NRG3: variants seen among roughly 807,000 people sequenced by gnomAD.
NRG3 encodes neuregulin 3.
In NRG3, 31 loss-of-function variants were observed where a neutral mutation model predicts 66.9. That is an observed-to-expected ratio of 0.46 (90% CI 0.35 to 0.63). The LOEUF (loss-of-function observed/expected upper bound fraction) is 0.63. NRG3 is among the 20% of genes least tolerant of loss of function. The pLI is 0.00. For missense variants in NRG3, 910 were observed against 878.9 expected, an observed-to-expected ratio of 1.04 and a Z score of -0.45; for synonymous variants, 393 against 359.4, an observed-to-expected ratio of 1.09 and a Z score of -1.06.
At chr10:82,885,512 TA>T (rs1842646130) in intron 4 of NRG3, among the ~76,000 whole-genome samples, 1 of 152,238 alleles carries the variant, frequency 6.6e-6, no homozygotes, top group Admixed American at 6.5e-5. Context: ...TTTATAAAGC[TA>T]CTTGAGTTTG....
At chr10:82,518,805 C>T (rs946533889) in intron 2 of NRG3, among the ~76,000 whole-genome samples, 3 of 151,954 alleles carry the variant, frequency 2.0e-5, no homozygotes, top group Non-Finnish European at 2.9e-5. Context: ...AGCATGCTCA[C>T]GTTCAAAAAA....
intron 2 of NRG3, among the ~76,000 whole-genome samples, chr10:82,715,132 T>A (rs1005181705): frequency 5.3e-5 from 8 of 152,156 alleles, no homozygotes; most frequent in African/African-American, 1.7e-4. Context: ...TGGTGGCTCA[T>A]ACCTGTAATC....
In NRG3 at chr10:82,543,204, T is replaced by C. The variant is rs76798621; in HGVS notation, c.953+184336T>C. On this transcript the variant is annotated intron_variant, in intron 2 of 8. Transcript: ENST00000372141. ...ACCGTGCCCAGCCTAGATCATTTTT[T>C]ACTATAAAGCTGATTATTGGGATAA... Among the ~76,000 whole-genome samples the C allele has an allele frequency of 8.1e-3, 1,230 of 152,276 alleles. 15 individuals carry two copies. Among genetic ancestry groups the C allele is most frequent in the Non-Finnish European group, 0.011 (720 of 68,020 alleles).
At chr10:82,834,361 T>C (rs2062674822) in intron 3 of NRG3, among the ~76,000 whole-genome samples, 1 of 152,184 alleles carries the variant, frequency 6.6e-6, no homozygotes, top group Admixed American at 6.6e-5. Context: ...CCGAGTCCTC[T>C]TCATTTATCC....
At chr10:82,937,102 C>T (rs1299370333) in intron 4 of NRG3, among the ~76,000 whole-genome samples, 3 of 152,142 alleles carry the variant, frequency 2.0e-5, no homozygotes, top group Admixed American at 6.5e-5. Flanking sequence ...TTTAATTCTT[C>T]ATTTTTCTTA....
At chr10:81,905,357 C>A (rs1037086179) in intron 1 of NRG3, among the ~76,000 whole-genome samples, 1 of 152,170 alleles carries the variant, frequency 6.6e-6, no homozygotes, top group Non-Finnish European at 1.5e-5. Context: ...CGTGTTCTAA[C>A]CTGCAAAGCC....
intron 5 of NRG3, 68 bp downstream of exon 5, chr10:82,951,639 C>T: frequency 1.5e-6 from 2 of 1,356,498 alleles, no homozygotes; most frequent in South Asian, 1.2e-5. Context: ...ACTTTAAGTT[C>T]TCAGTCTGTG....
At chr10:82,644,599 TA>T (rs1023634980) in intron 2 of NRG3, among the ~76,000 whole-genome samples, 4 of 152,176 alleles carry the variant, frequency 2.6e-5, no homozygotes, top group African/African-American at 9.6e-5. Flanking sequence ...CAGATGCATT[TA>T]TAATTAGCAA....
intron 2 of NRG3, among the ~76,000 whole-genome samples, chr10:82,648,451 C>A (rs1216312158): frequency 1.3e-5 from 2 of 152,162 alleles, no homozygotes; most frequent in African/African-American, 4.8e-5. Context: ...TGCCCTCCAG[C>A]TTTGTTCTTT....
At chr10:82,141,846 A>T (rs2069807461) in intron 1 of NRG3, among the ~76,000 whole-genome samples, 1 of 152,174 alleles carries the variant, frequency 6.6e-6, no homozygotes, top group Non-Finnish European at 1.5e-5. Flanking sequence ...TTGCCAGTAC[A>T]GTGGGTGCTA....
intron 1 of NRG3, among the ~76,000 whole-genome samples, chr10:82,336,463 C>A (rs186858977): frequency 6.6e-6 from 1 of 151,798 alleles, no homozygotes; most frequent in South Asian, 2.1e-4. Context: ...TTAAAAATTC[C>A]GAATTTTCTC....
chr10:82,647,901 T>G (rs2051078502), intron 2 of NRG3, among the ~76,000 whole-genome samples: 2 of 148,622 alleles, frequency 1.3e-5, no homozygotes, highest in Non-Finnish European at 3.0e-5. Flanking sequence ...ATTCTGGATA[T>G]TAGCCCTTTG....
chr10:82,653,642 T>G (rs2051604671), intron 2 of NRG3, among the ~76,000 whole-genome samples: 3 of 149,232 alleles, frequency 2.0e-5, no homozygotes, highest in Non-Finnish European at 4.5e-5. Flanking sequence ...CTAGTTCAGG[T>G]TTTTTTTTAA....
intron 3 of NRG3, among the ~76,000 whole-genome samples, chr10:82,832,908 T>C (rs113555561): frequency 1.4e-3 from 213 of 152,036 alleles, no homozygotes; most frequent in African/African-American, 4.9e-3. Flanking sequence ...ACAATGGTCT[T>C]ACAACTTTAC....
At chr10:82,462,660 G>A (rs1168370996) in intron 2 of NRG3, among the ~76,000 whole-genome samples, 2 of 152,198 alleles carry the variant, frequency 1.3e-5, no homozygotes, top group East Asian at 3.9e-4. Flanking sequence ...AGGATGCGGG[G>A]ACTGAGAGGG....
intron 1 of NRG3, among the ~76,000 whole-genome samples, chr10:82,033,845 A>G (rs2062677734): frequency 2.0e-5 from 3 of 152,138 alleles, no homozygotes; most frequent in South Asian, 2.1e-4. Context: ...AAAATTCTGT[A>G]TACCTTGAAA....
intron 2 of NRG3, among the ~76,000 whole-genome samples, chr10:82,467,101 G>T (rs1204025370): frequency 6.6e-6 from 1 of 152,118 alleles, no homozygotes; most frequent in Non-Finnish European, 1.5e-5. Context: ...CCAGCAGATA[G>T]AATCAAATGA....
intron 3 of NRG3, among the ~76,000 whole-genome samples, chr10:82,829,766 A>T (rs2062422842): frequency 6.6e-6 from 1 of 152,212 alleles, no homozygotes; most frequent in Non-Finnish European, 1.5e-5. Flanking sequence ...CAACTAACAG[A>T]GACTATAATT....
chr10:81,886,871 T>C (rs1842652384), intron 1 of NRG3, among the ~76,000 whole-genome samples: 1 of 152,186 alleles, frequency 6.6e-6, no homozygotes, highest in African/African-American at 2.4e-5. Context: ...TCACTAGATT[T>C]AATATATAGT....
Sources: allele counts gnomAD v4.1 joint callset (sites outside exome capture counted in the v4.1 genomes callset), GRCh38; gene constraint gnomAD v4.1.1; transcripts MANE v1.5; gene names NCBI Gene and HGNC (gene_info 2026-07-23, HGNC 2026-07-21).